PLXNA4: variants seen among roughly 807,000 people sequenced by gnomAD.
PLXNA4 encodes the protein plexin A4, also known as plexin-A4.
In PLXNA4, 44 loss-of-function variants were observed where a neutral mutation model predicts 191.8. That is an observed-to-expected ratio of 0.23 (90% CI 0.18 to 0.29). The LOEUF is 0.29. Ranked by LOEUF, PLXNA4 falls within the 10% of genes least tolerant of loss-of-function variation. The probability of loss-of-function intolerance (pLI) is 1.00; values close to 1 mark genes in which losing one functional copy is unlikely to be tolerated. For synonymous variants in PLXNA4, 1,082 were observed against 1,009.5 expected (o/e 1.07, Z -1.36); for missense variants, 1,800 against 2,488.8 (o/e 0.72, Z 5.89).
chr7:132,303,725 T>C (rs1038665452), intron 3 of PLXNA4, among the ~76,000 whole-genome samples: 7 of 152,186 alleles, frequency 4.6e-5, no homozygotes, highest in Non-Finnish European at 1.0e-4. Context: ...CATGTGTCTG[T>C]TGAATGCCCA....
intron 3 of PLXNA4, among the ~76,000 whole-genome samples, chr7:132,441,981 C>T (rs964804594): frequency 5.3e-5 from 8 of 152,288 alleles, no homozygotes; most frequent in African/African-American, 1.9e-4. Context: ...AAATCACATG[C>T]AAGAGTGACA....
At chr7:132,278,876 G>C (rs1800374902) in intron 4 of PLXNA4, among the ~76,000 whole-genome samples, 2 of 152,298 alleles carry the variant, frequency 1.3e-5, no homozygotes, top group South Asian at 4.1e-4. Flanking sequence ...GCAGTTCAGG[G>C]GATGTGTTTA....
rs3057957 is a variant in PLXNA4, at chr7:132,365,328, C to CGTGTGTGTGT, written c.1372-67116_1372-67107dup. On this transcript the variant is annotated intron_variant, in intron 3 of 31. Transcript: ENST00000321063. ...CTCCCCCGGTCTTTCCTACGGCCCG[C>CGTGTGTGTGT]GTGTGTGTGTGTGTGTGTGTGTGTG... 4.5e-3 allele frequency among the ~76,000 whole-genome samples: 647 copies of CGTGTGTGTGT among 143,052 alleles called. 5 individuals carry two copies. Among genetic ancestry groups the CGTGTGTGTGT allele is most frequent in the Middle Eastern group, 0.018 (5 of 282 alleles). 93.8% of individuals were successfully genotyped at this position (143,052 alleles called of 152,430 possible).
At chr7:132,563,327 C>CTCT (rs1801435019) in intron 1 of PLXNA4, among the ~76,000 whole-genome samples, 2 of 107,160 alleles carry the variant, frequency 1.9e-5, no homozygotes, top group South Asian at 4.0e-4. Flanking sequence ...CCTCCTTCTC[C>CTCT]TCCTCCTCCT....
intron 3 of PLXNA4, among the ~76,000 whole-genome samples, chr7:132,325,547 G>A (rs1052696558): frequency 6.6e-6 from 1 of 152,044 alleles, no homozygotes; most frequent in Non-Finnish European, 1.5e-5. Flanking sequence ...TATTACTGGT[G>A]TCCTTAAAAG....
intron 3 of PLXNA4, among the ~76,000 whole-genome samples, chr7:132,445,618 C>T (rs1795877976): frequency 6.6e-6 from 1 of 152,118 alleles, no homozygotes; most frequent in Admixed American, 6.5e-5. Context: ...ATTTTTCACG[C>T]CAAAATTCTT....
rs199889502 is a variant in PLXNA4 at position 132,507,741 on chromosome 7, G to A, written c.953C>T (p.Ala318Val). 191 of 1,614,110 alleles carry A rather than the reference G, an allele frequency of 1.2e-4. No homozygotes were observed. The highest frequency in any genetic ancestry group is 1.2e-4 in the Admixed American group (7 of 60,026). The change falls in exon 2 of 32, where the codon GCG becomes GTG. Residue 318 changes from alanine (A) to valine (V), a missense_variant. Ala to Val is a moderately conservative substitution (Grantham distance 64, BLOSUM62 0). This residue lies in a region of PLXNA4 where 1,397 missense variants were observed against 1,880.4 expected (regional missense o/e 0.74). Transcript: ENST00000321063. ...AAGGGTCCTGCCAAGCACGGCCCCCGCTTTGGACAGGTAGGCAGCCTGCAG... is the reference window on the plus strand; with the variant it reads ...AAGGGTCCTGCCAAGCACGGCCCCCACTTTGGACAGGTAGGCAGCCTGCAG... ...RLLQAAYLSK[A>V]GAVLGRTLGV...
intron 4 of PLXNA4, among the ~76,000 whole-genome samples, chr7:132,257,053 C>A (rs945716102): frequency 1.3e-5 from 2 of 152,190 alleles, no homozygotes; most frequent in Non-Finnish European, 2.9e-5. Flanking sequence ...AGGGGTTAAG[C>A]GACTTGCTCA....
intron 3 of PLXNA4, among the ~76,000 whole-genome samples, chr7:132,452,169 G>A (rs1796146825): frequency 6.6e-6 from 1 of 152,242 alleles, no homozygotes; most frequent in Admixed American, 6.5e-5. Context: ...CTTTGGCCAG[G>A]AGGATAATTC....
At chr7:132,410,345 T>C (rs1050794965) in intron 3 of PLXNA4, among the ~76,000 whole-genome samples, 1 of 152,164 alleles carries the variant, frequency 6.6e-6, no homozygotes, top group South Asian at 2.1e-4. Flanking sequence ...ACATAGCACC[T>C]TCAGAAGGAA....
intron 3 of PLXNA4, among the ~76,000 whole-genome samples, chr7:132,469,119 C>CAAAAAAAAAAAAAAAAGAAAAAAAAA (rs1796824957): frequency 1.1e-5 from 1 of 87,430 alleles, no homozygotes; most frequent in African/African-American, 4.3e-5. Flanking sequence ...GCACACCAAC[C>CAAAAAAAAAAAAAAAAGAAAAAAAAA]AAAAAAAAAA....
At chr7:132,542,921 T>C (rs1800144922) in intron 1 of PLXNA4, among the ~76,000 whole-genome samples, 1 of 152,158 alleles carries the variant, frequency 6.6e-6, no homozygotes, top group African/African-American at 2.4e-5. Flanking sequence ...ACTTGAAAAA[T>C]AGTAAGCATG....
chr7:132,139,528 G>A (rs916593798), intron 30 of PLXNA4, among the ~76,000 whole-genome samples: 4 of 152,206 alleles, frequency 2.6e-5, no homozygotes, highest in Non-Finnish European at 4.4e-5. Flanking sequence ...GAGTTGCGCA[G>A]GTTATTCACT....
intron 3 of PLXNA4, among the ~76,000 whole-genome samples, chr7:132,447,365 G>A (rs1207086938): frequency 1.3e-5 from 2 of 152,188 alleles, no homozygotes; most frequent in African/African-American, 2.4e-5. Flanking sequence ...GGAAGGAGGG[G>A]AAAACTGTGG....
Position 132,508,436 on chromosome 7 carries a change from T to C in PLXNA4, c.258A>G (p.Thr86=). The C allele has an allele frequency of 6.2e-7, 1 of 1,614,202 alleles. No homozygotes were observed. Among genetic ancestry groups the C allele is most frequent in the Non-Finnish European group, 8.5e-7 (1 of 1,180,020 alleles). Reference sequence around the variant, plus strand: ...ACTTGGGGTTGTCCTCGTCCGGCCCTGTCTCATGCGTCACCAAGACCTTCA... The same window carrying C: ...ACTTGGGGTTGTCCTCGTCCGGCCCCGTCTCATGCGTCACCAAGACCTTCA... ...SDLKVLVTHE[T]GPDEDNPKCY... The change falls in exon 2 of 32, where the codon ACA becomes ACG. Residue 86 remains threonine, a synonymous_variant. Coordinates refer to ENST00000321063, the MANE Select transcript of PLXNA4 (RefSeq NM_020911.2). This position sits in a 1 kb window ranked among gnomAD's most constrained non-coding sequence, Gnocchi z 4.4.
intron 5 of PLXNA4, among the ~76,000 whole-genome samples, chr7:132,233,271 A>C (rs1798584368): frequency 6.6e-6 from 1 of 152,210 alleles, no homozygotes; most frequent in African/African-American, 2.4e-5. Flanking sequence ...TGTCCTCCTT[A>C]AGAATGACCA....
intron 1 of PLXNA4, among the ~76,000 whole-genome samples, chr7:132,523,786 G>T (rs181704481): frequency 6.6e-6 from 1 of 152,008 alleles, no homozygotes; most frequent in Non-Finnish European, 1.5e-5. Flanking sequence ...CAAGGGGGGC[G>T]GAAGAGAGGG....
intron 3 of PLXNA4, among the ~76,000 whole-genome samples, chr7:132,391,475 T>C (rs1805409073): frequency 6.6e-6 from 1 of 152,196 alleles, no homozygotes; most frequent in Non-Finnish European, 1.5e-5. Flanking sequence ...TGCAGGATCC[T>C]GGGGCTAGCC....
At position 132,241,100 on chromosome 7, in the gene PLXNA4, C is replaced by T. The variant is rs369702192; in HGVS notation, c.1570G>A (p.Asp524Asn). The change falls in exon 5 of 32, where the codon GAC becomes AAC. Residue 524 changes from aspartate to asparagine, a missense_variant. By Grantham distance (23) the Asp-to-Asn change is conservative. Coordinates refer to ENST00000321063, the MANE Select transcript of PLXNA4 (RefSeq NM_020911.2). Reference protein sequence around the residue: ...QSCGECLGSGDPHCGWCVLHN... With the variant: ...QSCGECLGSGNPHCGWCVLHN... ...AGCACACACCAGCCACAGTGGGGGT[C>T]GCCTGAGCCAAGGCACTCGCCGCAG... 1.2e-6 allele frequency: 2 copies of T among 1,613,110 alleles called. No individual in the cohort carries two copies. The highest frequency in any genetic ancestry group is 1.7e-6 in the Non-Finnish European group (2 of 1,179,328).
Sources: allele counts gnomAD v4.1 joint callset (sites outside exome capture counted in the v4.1 genomes callset), GRCh38; gene constraint gnomAD v4.1.1; regional missense constraint gnomAD v4.1.1; non-coding constraint Gnocchi (gnomAD v3.1); transcripts MANE v1.5; gene names NCBI Gene and HGNC (gene_info 2026-07-23, HGNC 2026-07-21).